The following MACROD1 variants were observed in gnomAD, a reference collection of about 807,000 sequenced individuals.
MACROD1 encodes mono-ADP ribosylhydrolase 1.
In MACROD1, 31 loss-of-function variants were observed where a neutral mutation model predicts 41.4. That is an observed-to-expected ratio of 0.75 (90% CI 0.56 to 1.01). MACROD1 has a LOEUF of 1.01. MACROD1 is among the 50% of genes least tolerant of loss of function. The pLI is 0.00. For missense variants in MACROD1, 473 were observed against 460.0 expected (o/e 1.03, Z -0.26); for synonymous variants, 252 against 203.4 (o/e 1.24, Z -2.03).
intron 4 of MACROD1, among the ~76,000 whole-genome samples, chr11:64,014,578 G>C (rs933651229): frequency 1.3e-5 from 2 of 152,222 alleles, no homozygotes; most frequent in African/African-American, 4.8e-5. Flanking sequence ...CGGGCAGCCT[G>C]GCCAGCTGGG....
intron 3 of MACROD1, among the ~76,000 whole-genome samples, chr11:64,059,949 T>C (rs1943865785): frequency 6.6e-6 from 1 of 151,638 alleles, no homozygotes; most frequent in South Asian, 2.1e-4. Context: ...GCTTGGGGGA[T>C]GTTGGGGGGC....
rs930696384 is a variant in MACROD1 at position 64,064,720 on chromosome 11, C to T, written c.518-49439G>A. ...CCCTCCCTGAGTTCTCCTCTCCCCT[C>T]CCTGCCAGCCCCCCAGCAGGCAGCC... On this transcript the variant is annotated intron_variant, in intron 3 of 10. Coordinates refer to ENST00000255681, the MANE Select transcript of MACROD1 (RefSeq NM_014067.4). This position sits in a 1 kb window ranked among gnomAD's most constrained non-coding sequence, Gnocchi z 4.5. Among the ~76,000 whole-genome samples the T allele has an allele frequency of 2.0e-5, 3 of 150,382 alleles. No individual in the cohort carries two copies. Among genetic ancestry groups the T allele is most frequent in the Non-Finnish European group, 4.5e-5 (3 of 67,364 alleles).
At chr11:64,004,627 C>T (rs977423157) in intron 4 of MACROD1, among the ~76,000 whole-genome samples, 7 of 152,172 alleles carry the variant, frequency 4.6e-5, no homozygotes, top group African/African-American at 1.4e-4. Flanking sequence ...ATTCCCCCTA[C>T]CATCCCGTGG....
At chr11:64,045,089 C>T (rs1344194353) in intron 3 of MACROD1, among the ~76,000 whole-genome samples, 2 of 152,214 alleles carry the variant, frequency 1.3e-5, no homozygotes, top group Admixed American at 6.5e-5. Flanking sequence ...TGAGGGGGAG[C>T]AGTCCGGGTG....
intron 1 of MACROD1, among the ~76,000 whole-genome samples, chr11:64,162,708 G>A (rs953738135): frequency 2.0e-5 from 3 of 151,686 alleles, no homozygotes; most frequent in East Asian, 1.9e-4. Context: ...CCAGCTATTC[G>A]GGAGGCTGAG....
intron 3 of MACROD1, among the ~76,000 whole-genome samples, chr11:64,151,035 G>A (rs553666390): frequency 1.6e-4 from 24 of 152,280 alleles, no homozygotes; most frequent in Admixed American, 7.2e-4. Context: ...GGAGCAAGGC[G>A]CCCCCGACAC....
intron 3 of MACROD1, among the ~76,000 whole-genome samples, chr11:64,126,302 G>A (rs1945179991): frequency 6.6e-6 from 1 of 152,158 alleles, no homozygotes; most frequent in Non-Finnish European, 1.5e-5. Context: ...GAAGCCACAC[G>A]GCCCAGCGCT....
chr11:64,036,796 C>CG lies in MACROD1; in HGVS notation c.518-21516dup, dbSNP rs1386127901. Among the ~76,000 whole-genome samples, 1 of 152,092 alleles carries CG rather than the reference C, an allele frequency of 6.6e-6. No individual in the cohort carries two copies. Among genetic ancestry groups the CG allele is most frequent in the Non-Finnish European group, 1.5e-5 (1 of 68,000 alleles). On this transcript the variant is annotated intron_variant, in intron 3 of 10. Transcript: ENST00000255681. The surrounding 1 kb of genome is among the most constrained non-coding windows in gnomAD (Gnocchi z 5.6). ...GAACGGTGAGACCATGGTGCCTGGG[C>CG]GGGGGGCGGCGGGCACCCCCCATCC...
chr11:64,019,465 C>T (rs902829346), intron 3 of MACROD1, among the ~76,000 whole-genome samples: 1 of 152,170 alleles, frequency 6.6e-6, no homozygotes, highest in Admixed American at 6.5e-5. Flanking sequence ...AGTAGCTCCC[C>T]AGTTTGTGCC....
chr11:64,164,072 C>T (rs1330719182), intron 1 of MACROD1, among the ~76,000 whole-genome samples: 1 of 152,232 alleles, frequency 6.6e-6, no homozygotes, highest in Non-Finnish European at 1.5e-5. Context: ...GTTACCGGGC[C>T]TTGTCTCAGC....
rs1270656938 is a variant in MACROD1, at chr11:64,120,621, G to T, written c.517+30618C>A. 6.6e-6 allele frequency among the ~76,000 whole-genome samples: 1 copy of T among 152,060 alleles called. No homozygotes were observed. The highest frequency in any genetic ancestry group is 1.5e-5 in the Non-Finnish European group (1 of 68,006). On this transcript the variant is annotated intron_variant, in intron 3 of 10. Coordinates refer to ENST00000255681, the MANE Select transcript of MACROD1 (RefSeq NM_014067.4). The surrounding 1 kb of genome is among the most constrained non-coding windows in gnomAD (Gnocchi z 4.5). ...AATCGCTTGAACCAGGGAGGCAGAG[G>T]CTGCAGTGAACCGAGATTGCGCCAC...
intron 3 of MACROD1, among the ~76,000 whole-genome samples, chr11:64,021,701 C>A (rs918449333): frequency 6.6e-6 from 1 of 152,026 alleles, no homozygotes; most frequent in Middle Eastern, 3.4e-3. Context: ...CCTGGCCTGG[C>A]CTTCATTCTC....
intron 3 of MACROD1, chr11:64,119,068 G>T (rs538061716): frequency 1.6e-4 from 26 of 167,208 alleles, no homozygotes; most frequent in African/African-American, 6.3e-4. Context: ...TCCCTGTCGC[G>T]GTGTCTCTAA....
intron 3 of MACROD1, among the ~76,000 whole-genome samples, chr11:64,147,455 A>G (rs1476558438): frequency 6.8e-6 from 1 of 147,424 alleles, no homozygotes; most frequent in East Asian, 2.0e-4. Flanking sequence ...CAGTAACACA[A>G]TCATGGCTCA....
intron 3 of MACROD1, among the ~76,000 whole-genome samples, chr11:64,084,903 C>T (rs1261917826): frequency 6.6e-6 from 1 of 152,242 alleles, no homozygotes; most frequent in African/African-American, 2.4e-5. Context: ...GCTCTGCAGT[C>T]CCCCTGCTCC....
intron 3 of MACROD1, among the ~76,000 whole-genome samples, chr11:64,057,564 G>A (rs1943812669): frequency 6.6e-6 from 1 of 152,218 alleles, no homozygotes; most frequent in Non-Finnish European, 1.5e-5. Flanking sequence ...TGAGAGAGGG[G>A]CTGGCATCCT....
At chr11:64,065,659 G>A (rs1031460292) in intron 3 of MACROD1, among the ~76,000 whole-genome samples, 22 of 152,010 alleles carry the variant, frequency 1.4e-4, no homozygotes, top group Admixed American at 1.3e-4. Context: ...GCATGGTGGC[G>A]GCCGCCTGTA....
chr11:64,065,215 C>T (rs1268637863), intron 3 of MACROD1, among the ~76,000 whole-genome samples: 6 of 152,112 alleles, frequency 3.9e-5, no homozygotes, highest in Admixed American at 3.9e-4. Context: ...CAGAGAGGCC[C>T]AGAGATGAAG....
intron 3 of MACROD1, among the ~76,000 whole-genome samples, chr11:64,045,582 C>G (rs1477304586): frequency 6.6e-6 from 1 of 152,090 alleles, no homozygotes; most frequent in Non-Finnish European, 1.5e-5. Flanking sequence ...GAGGGTCTGC[C>G]GAGGGAGCAG....
Sources: gnomAD v4.1 joint callset for allele counts (sites outside exome capture counted in the v4.1 genomes callset) on GRCh38, gnomAD v4.1.1 for gene constraint, Gnocchi (gnomAD v3.1) non-coding constraint, MANE v1.5 for transcripts, NCBI Gene and HGNC (gene_info 2026-07-23, HGNC 2026-07-21) for gene names.